The following DISC1 variants were observed in gnomAD, a reference collection of about 807,000 sequenced individuals.
The protein encoded by DISC1 is disrupted in schizophrenia 1 protein.
DISC1 carries 57 observed loss-of-function variants against 84.5 expected under a neutral mutation model. The observed-to-expected ratio is 0.67, with a 90% confidence interval of 0.55 to 0.84. DISC1 has a LOEUF of 0.84. Ranked by LOEUF, DISC1 falls within the 40% of genes least tolerant of loss-of-function variation. The pLI, the probability that DISC1 is intolerant of heterozygous loss-of-function variation, is 0.00. For missense variants in DISC1, 1,000 were observed against 1,057.8 expected, an observed-to-expected ratio of 0.95 and a Z score of 0.76; for synonymous variants, 411 against 415.2, an observed-to-expected ratio of 0.99 and a Z score of 0.12.
chr1:232,021,971 G>T (rs1669000865), intron 11 of DISC1, among the ~76,000 whole-genome samples: 1 of 152,102 alleles, frequency 6.6e-6, no homozygotes, highest in Non-Finnish European at 1.5e-5. Context: ...ATGTAGCTGG[G>T]GCTTCCTCAC....
chr1:231,923,318 A>C (rs980792356), intron 9 of DISC1, among the ~76,000 whole-genome samples: 19 of 150,140 alleles, frequency 1.3e-4, no homozygotes, highest in African/African-American at 3.4e-4. Flanking sequence ...AAAAAAAAAA[A>C]CAAAAAGAAA....
At chr1:231,701,375 A>G (rs1054231717) in intron 2 of DISC1, among the ~76,000 whole-genome samples, 5 of 152,194 alleles carry the variant, frequency 3.3e-5, no homozygotes, top group Non-Finnish European at 4.4e-5. Context: ...AAATCAACCC[A>G]TTGGTAACAC....
Position 231,985,336 on chromosome 1 carries a change from C to CAAA in DISC1, c.2043-23432_2043-23430dup, listed in dbSNP as rs59619547. ...AGTGAAACTCCATCCCCCCACCCACCAAAAAAAAAAAAAAAAAAAGAAAGA... is the reference window on the plus strand; with the variant it reads ...AGTGAAACTCCATCCCCCCACCCACCAAAAAAAAAAAAAAAAAAAAAAGAAAGA... On this transcript the variant is annotated intron_variant, in intron 10 of 12. Coordinates refer to ENST00000439617, the MANE Select transcript of DISC1 (RefSeq NM_018662.3). 4.8e-4 allele frequency among the ~76,000 whole-genome samples: 48 copies of CAAA among 99,702 alleles called. 1 individual carries two copies. The highest frequency in any genetic ancestry group is 1.6e-3 in the African/African-American group (45 of 29,024). 65.4% of individuals were successfully genotyped at this position (99,702 alleles called of 152,430 possible). A position where few individuals can be genotyped will look rare whatever the true frequency, so the allele number is the denominator to read the frequency against.
intron 1 of DISC1, among the ~76,000 whole-genome samples, chr1:231,677,378 C>T (rs1417191358): frequency 2.0e-5 from 3 of 152,138 alleles, no homozygotes; most frequent in Admixed American, 6.5e-5. Flanking sequence ...GGAGAAAATT[C>T]GTAGCTCTTC....
At chr1:231,697,602 G>C (rs1216827390) in intron 2 of DISC1, among the ~76,000 whole-genome samples, 1 of 150,084 alleles carries the variant, frequency 6.7e-6, no homozygotes, top group East Asian at 2.0e-4. Context: ...ACCATGCCTG[G>C]CTAATTTTTT....
rs551347971 is a variant in DISC1, at chr1:231,796,685, C to T, written c.1689+1389C>T. ...CTTCCTGTTAGGAACAAGTGGTGCC[C>T]GTAAGACAGCATCGGAGCCAGGGAC... On this transcript the variant is annotated intron_variant, in intron 7 of 12. Transcript: ENST00000439617. 3.3e-4 allele frequency among the ~76,000 whole-genome samples: 50 copies of T among 152,182 alleles called. 1 individual carries two copies. The highest frequency in any genetic ancestry group is 1.1e-3 in the African/African-American group (45 of 41,538).
Position 231,657,125 on chromosome 1 carries a change from G to T in DISC1, c.67+30191G>T, listed in dbSNP as rs536467623. Among the ~76,000 whole-genome samples the T allele has an allele frequency of 3.6e-3, 544 of 152,310 alleles. 4 individuals carry two copies. The highest frequency in any genetic ancestry group is 0.013 in the African/African-American group (525 of 41,566). On this transcript the variant is annotated intron_variant, in intron 1 of 12. Coordinates refer to ENST00000439617, the MANE Select transcript of DISC1 (RefSeq NM_018662.3). ...CATGCATGTATCTTTATAACACAAT[G>T]ATTTATATTTTTTGGGGTGTATACC...
Position 232,037,725 on chromosome 1 carries a change from A to C in DISC1, c.*894A>C, listed in dbSNP as rs1670608642. ...AGTGCAGTACTCAGTAAGACAGTGC[A>C]GTGCTCAGTAAGGCAGTGCAATACT... On this transcript the variant is annotated 3_prime_UTR_variant, in exon 13 of 13. Transcript: ENST00000439617. 6.6e-6 allele frequency: 1 copy of C among 152,290 alleles called. No homozygotes were observed. The highest frequency in any genetic ancestry group is 1.5e-5 in the Non-Finnish European group (1 of 68,196). 9.4% of individuals were successfully genotyped at this position (152,290 alleles called of 1,614,324 possible). A position where few individuals can be genotyped will look rare whatever the true frequency, so the allele number is the denominator to read the frequency against.
chr1:231,711,845 C>A (rs1319777036), intron 3 of DISC1, among the ~76,000 whole-genome samples: 2 of 152,140 alleles, frequency 1.3e-5, no homozygotes, highest in African/African-American at 4.8e-5. Context: ...TTTATTGCTG[C>A]ATGTGGTAGG....
chr1:231,645,307 C>T (rs2060030259), intron 1 of DISC1, among the ~76,000 whole-genome samples: 1 of 152,088 alleles, frequency 6.6e-6, no homozygotes, highest in Non-Finnish European at 1.5e-5. Context: ...ATTTCAAAGC[C>T]TGGCCATAGC....
intron 9 of DISC1, among the ~76,000 whole-genome samples, chr1:231,951,971 T>C (rs990349851): frequency 4.0e-5 from 6 of 151,276 alleles, no homozygotes; most frequent in African/African-American, 1.5e-4. Context: ...AAGTCTCAGC[T>C]GTTCAAGAGA....
chr1:231,725,007 G>T (rs889837358), intron 3 of DISC1, among the ~76,000 whole-genome samples: 3 of 152,086 alleles, frequency 2.0e-5, no homozygotes, highest in Non-Finnish European at 4.4e-5. Flanking sequence ...GACCTACAGG[G>T]TCACTGTCTG....
chr1:231,937,577 C>T (rs2091054089), intron 9 of DISC1, among the ~76,000 whole-genome samples: 1 of 152,188 alleles, frequency 6.6e-6, no homozygotes, highest in African/African-American at 2.4e-5. Context: ...GGTCCTGGCC[C>T]CCGGCCAGGG....
chr1:231,864,687 C>A lies in DISC1; in HGVS notation c.1981+46170C>A, dbSNP rs75108863. ...AAACAAAATAAAACAACAACAACAA[C>A]AAAAAAATCTGAGGAGGTGGACACC... On this transcript the variant is annotated intron_variant, in intron 9 of 12. Coordinates refer to ENST00000439617, the MANE Select transcript of DISC1 (RefSeq NM_018662.3). Among the ~76,000 whole-genome samples, 593 of 152,020 alleles carry A rather than the reference C, an allele frequency of 3.9e-3. 5 individuals carry two copies. Among genetic ancestry groups the A allele is most frequent in the East Asian group, 0.01 (53 of 5,166 alleles).
intron 9 of DISC1, among the ~76,000 whole-genome samples, chr1:231,836,687 C>T (rs2082652721): frequency 6.6e-6 from 1 of 152,212 alleles, no homozygotes; most frequent in Admixed American, 6.5e-5. Flanking sequence ...CACCTTTGGA[C>T]TATCCCCTAC....
chr1:231,967,765 T>C (rs1325138065), intron 10 of DISC1, among the ~76,000 whole-genome samples: 1 of 152,216 alleles, frequency 6.6e-6, no homozygotes, highest in African/African-American at 2.4e-5. Flanking sequence ...AATTTGATAA[T>C]CATTGATTTT....
At chr1:231,963,063 A>G (rs1196420093) in intron 10 of DISC1, among the ~76,000 whole-genome samples, 3 of 152,156 alleles carry the variant, frequency 2.0e-5, no homozygotes, top group Non-Finnish European at 4.4e-5. Flanking sequence ...TTGAGTAAGC[A>G]TCTTAAAATA....
chr1:231,938,443 G>A (rs2091110690), intron 9 of DISC1, among the ~76,000 whole-genome samples: 1 of 152,162 alleles, frequency 6.6e-6, no homozygotes, highest in Non-Finnish European at 1.5e-5. Context: ...AGCCTCTGAA[G>A]CTGACAGCAC....
intron 9 of DISC1, among the ~76,000 whole-genome samples, chr1:231,878,015 A>C (rs936961736): frequency 6.6e-6 from 1 of 152,260 alleles, no homozygotes. Context: ...ATTAAGAATC[A>C]AACTTCTTAA....
Sources: allele counts gnomAD v4.1 joint callset (sites outside exome capture counted in the v4.1 genomes callset), GRCh38; gene constraint gnomAD v4.1.1; transcripts MANE v1.5; gene names NCBI Gene and HGNC (gene_info 2026-07-23, HGNC 2026-07-21).